Variants in TRHDE observed in about 807,000 individuals in gnomAD.
TRHDE encodes thyrotropin releasing hormone degrading enzyme, also known as thyrotropin-releasing hormone-degrading ectoenzyme.
Under a neutral mutation model 125.7 loss-of-function variants are expected in TRHDE, and 72 were observed. The observed-to-expected ratio is 0.57, with a 90% confidence interval of 0.47 to 0.70. The LOEUF (loss-of-function observed/expected upper bound fraction) is 0.70, where lower values mean the gene tolerates loss of function less well. Among genes scored for constraint, TRHDE ranks in the 30% least tolerant of loss-of-function variants. The pLI is 0.00. For missense variants in TRHDE, 1,110 were observed against 1,327.1 expected, an observed-to-expected ratio of 0.84 and a Z score of 2.54; for synonymous variants, 509 against 509.1, an observed-to-expected ratio of 1.00 and a Z score of 0.00.
chr12:72,140,392 C>G (rs939040746), intron 2 of TRHDE: 1 of 152,468 alleles, frequency 6.6e-6, no homozygotes, highest in African/African-American at 2.4e-5. Context: ...CCCCCACCCC[C>G]GCTTCCAGTT....
intron 2 of TRHDE, among the ~76,000 whole-genome samples, chr12:72,238,609 GT>G (rs1454766609): frequency 3.3e-5 from 5 of 151,006 alleles, no homozygotes; most frequent in Admixed American, 2.6e-4. Context: ...TGTTCTCCCT[GT>G]TCAACTCCCA....
intron 5 of TRHDE, among the ~76,000 whole-genome samples, chr12:72,490,050 G>A (rs1166699034): frequency 6.6e-6 from 1 of 151,726 alleles, no homozygotes; most frequent in Non-Finnish European, 1.5e-5. Context: ...AAATAAAATG[G>A]CAGCCTATGG....
chr12:72,289,028 T>G (rs1337343184), intron 2 of TRHDE, among the ~76,000 whole-genome samples: 1 of 152,174 alleles, frequency 6.6e-6, no homozygotes, highest in Non-Finnish European at 1.5e-5. Flanking sequence ...TCCTTTTTTC[T>G]GTCACTGTTT....
At chr12:72,524,658 A>G (rs1205671251) in intron 6 of TRHDE, among the ~76,000 whole-genome samples, 1 of 152,126 alleles carries the variant, frequency 6.6e-6, no homozygotes, top group Non-Finnish European at 1.5e-5. Flanking sequence ...GTGATGGCCC[A>G]TCTGTGTAAA....
intron 3 of TRHDE, among the ~76,000 whole-genome samples, chr12:72,457,417 T>C (rs925990885): frequency 8.5e-5 from 13 of 152,154 alleles, no homozygotes; most frequent in African/African-American, 3.1e-4. Flanking sequence ...ATCTATAAAA[T>C]TCACAGTGAA....
intron 15 of TRHDE, among the ~76,000 whole-genome samples, chr12:72,642,702 A>G (rs909268049): frequency 4.6e-5 from 7 of 152,158 alleles, no homozygotes; most frequent in African/African-American, 1.4e-4. Context: ...GCAGTGTTTA[A>G]AGAGAAATGA....
chr12:72,168,784 AT>A (rs1405774260), intron 2 of TRHDE, among the ~76,000 whole-genome samples: 1 of 152,138 alleles, frequency 6.6e-6, no homozygotes, highest in African/African-American at 2.4e-5. Flanking sequence ...AACAATGTAG[AT>A]TATTGGCAAC....
At chr12:72,500,172 C>G (rs1457099219) in intron 6 of TRHDE, among the ~76,000 whole-genome samples, 1 of 152,112 alleles carries the variant, frequency 6.6e-6, no homozygotes, top group Non-Finnish European at 1.5e-5. Flanking sequence ...TAATTTTGAG[C>G]CAATGACTAG....
At chr12:72,132,809 T>C (rs565843263) in intron 2 of TRHDE, among the ~76,000 whole-genome samples, 21 of 152,270 alleles carry the variant, frequency 1.4e-4, no homozygotes, top group African/African-American at 5.1e-4. Context: ...TGATAGACAC[T>C]ACAAGACAGC....
chr12:72,566,993 G>A (rs1044485687), intron 9 of TRHDE, among the ~76,000 whole-genome samples: 1 of 151,932 alleles, frequency 6.6e-6, no homozygotes, highest in Non-Finnish European at 1.5e-5. Flanking sequence ...CAGACTCATA[G>A]TTGGGCATCA....
chr12:72,506,168 A>T (rs1034006552), intron 6 of TRHDE, among the ~76,000 whole-genome samples: 1 of 152,066 alleles, frequency 6.6e-6, no homozygotes, highest in African/African-American at 2.4e-5. Flanking sequence ...TAAATTAGCT[A>T]GGCATCATGG....
At chr12:72,381,137 T>TA (rs1872156704) in intron 3 of TRHDE, among the ~76,000 whole-genome samples, 1 of 152,058 alleles carries the variant, frequency 6.6e-6, no homozygotes. Flanking sequence ...TAGCAGTTGG[T>TA]AGAGGCTCAG....
intron 5 of TRHDE, among the ~76,000 whole-genome samples, chr12:72,484,722 T>C (rs1877324645): frequency 6.6e-6 from 1 of 152,210 alleles, no homozygotes; most frequent in South Asian, 2.1e-4. Flanking sequence ...TATGAAACTA[T>C]GTTGGATAAA....
chr12:72,639,325 G>A (rs1215829284), intron 15 of TRHDE, among the ~76,000 whole-genome samples: 20 of 150,758 alleles, frequency 1.3e-4, no homozygotes, highest in African/African-American at 3.9e-4. Context: ...CATTCTTCAC[G>A]TAGTTCTCGA....
intron 6 of TRHDE, among the ~76,000 whole-genome samples, chr12:72,518,119 C>G (rs990900773): frequency 6.6e-5 from 10 of 150,674 alleles, no homozygotes; most frequent in Non-Finnish European, 1.2e-4. Flanking sequence ...AATGTATATT[C>G]TGTTGATTTG....
intron 3 of TRHDE, among the ~76,000 whole-genome samples, chr12:72,451,991 G>A (rs1453865040): frequency 6.6e-6 from 1 of 151,996 alleles, no homozygotes; most frequent in Non-Finnish European, 1.5e-5. Flanking sequence ...AGCATGCCCA[G>A]CTAATTTTTG....
At chr12:72,140,305 C>T (rs1324235799) in intron 2 of TRHDE, 1 of 152,220 alleles carries the variant, frequency 6.6e-6, no homozygotes, top group African/African-American at 2.4e-5. Flanking sequence ...CTTGTACTGA[C>T]TCTAGGTCTA....
intron 15 of TRHDE, among the ~76,000 whole-genome samples, chr12:72,636,130 C>T (rs1242209105): frequency 6.6e-6 from 1 of 152,132 alleles, no homozygotes; most frequent in African/African-American, 2.4e-5. Flanking sequence ...TCTTCCTACC[C>T]ATGAGCATGG....
intron 2 of TRHDE, among the ~76,000 whole-genome samples, chr12:72,340,257 A>C (rs1870021731): frequency 6.6e-6 from 1 of 152,192 alleles, no homozygotes; most frequent in Non-Finnish European, 1.5e-5. Context: ...GCAGATAAAC[A>C]CAATCCAACT....
Sources: gnomAD v4.1 joint callset for allele counts (sites outside exome capture counted in the v4.1 genomes callset) on GRCh38, gnomAD v4.1.1 for gene constraint, MANE v1.5 for transcripts, NCBI Gene and HGNC (gene_info 2026-07-23, HGNC 2026-07-21) for gene names.